NDRG3: variants seen among roughly 807,000 people sequenced by gnomAD.
NDRG3 encodes protein NDRG3.
A neutral mutation model predicts 57.2 loss-of-function variants in NDRG3; 23 were observed. The ratio of observed to expected loss-of-function variants is 0.40; its 90% CI spans 0.29 to 0.57. NDRG3 has a LOEUF of 0.57. Among genes scored for constraint, NDRG3 ranks in the 20% least tolerant of loss-of-function variants. The pLI is 0.42. For missense variants in NDRG3, 384 were observed against 457.3 expected, an observed-to-expected ratio of 0.84 and a Z score of 1.46; for synonymous variants, 132 against 162.6, an observed-to-expected ratio of 0.81 and a Z score of 1.43.
At chr20:36,686,708 T>C (rs376506157) in intron 5 of NDRG3, among the ~76,000 whole-genome samples, 13 of 152,300 alleles carry the variant, frequency 8.5e-5, no homozygotes, top group African/African-American at 3.1e-4. Flanking sequence ...CCCACACCTC[T>C]ATCTGCCAGG....
chr20:36,696,680 A>G (rs765423304), intron 3 of NDRG3, among the ~76,000 whole-genome samples: 1 of 150,604 alleles, frequency 6.6e-6, no homozygotes, highest in Non-Finnish European at 1.5e-5. Context: ...TTTAGTAGAG[A>G]TGGGGTTTCA....
At chr20:36,656,184 C>G (rs990589472) in intron 15 of NDRG3, among the ~76,000 whole-genome samples, 176 bp downstream of exon 15, 1 of 150,268 alleles carries the variant, frequency 6.7e-6, no homozygotes, top group African/African-American at 2.4e-5. Context: ...AAAGTAAGTG[C>G]TGAGTGTTAG....
intron 3 of NDRG3, 32 bp downstream of exon 3, chr20:36,706,938 TAC>T: frequency 1.2e-6 from 2 of 1,603,182 alleles, no homozygotes; most frequent in Non-Finnish European, 1.7e-6. Context: ...AGAGATCCTG[TAC>T]AGAGCCTCCT....
chr20:36,727,576 T>C (rs1341988567), intron 1 of NDRG3, among the ~76,000 whole-genome samples: 1 of 147,892 alleles, frequency 6.8e-6, no homozygotes, highest in Non-Finnish European at 1.5e-5. Context: ...GGAGTCTCGC[T>C]CTGTCGCCCA....
At chr20:36,673,866 A>G (rs1980403142) in intron 8 of NDRG3, among the ~76,000 whole-genome samples, 1 of 151,862 alleles carries the variant, frequency 6.6e-6, no homozygotes, top group South Asian at 2.1e-4. Flanking sequence ...GCACTTTGGG[A>G]GGCCAAGACG....
At chr20:36,656,614 A>G (rs897027979) in intron 13 of NDRG3, 82 bp from the exon 14 acceptor site, 2 of 1,461,046 alleles carry the variant, frequency 1.4e-6, no homozygotes, top group Non-Finnish European at 1.9e-6. Context: ...TTTCAAACAG[A>G]ACAAGATTGA....
intron 15 of NDRG3, chr20:36,654,909 C>T (rs1978523974): frequency 1.3e-6 from 1 of 777,548 alleles, no homozygotes; most frequent in Non-Finnish European, 2.4e-6. Flanking sequence ...ACCTCAGCTG[C>T]CTGGTAGACA....
At chr20:36,662,047 G>C (rs1210782687) in intron 12 of NDRG3, among the ~76,000 whole-genome samples, 3 of 152,040 alleles carry the variant, frequency 2.0e-5, no homozygotes, top group African/African-American at 7.2e-5. Flanking sequence ...ATCCCTAACT[G>C]CTAGGCACAG....
intron 1 of NDRG3, among the ~76,000 whole-genome samples, chr20:36,729,724 C>A (rs142679247): frequency 6.6e-6 from 1 of 152,040 alleles, no homozygotes; most frequent in African/African-American, 2.4e-5. Context: ...GTCAGGGTTG[C>A]ACTTTGTTGC....
rs116809911 is a variant in NDRG3, at chr20:36,732,810, G to A, written c.-48-11027C>T. On this transcript the variant is annotated intron_variant, in intron 1 of 15. Transcript: ENST00000349004. ...CAGCTTGTATCTCATTCTGCACTGT[G>A]TCCATTTAGTCAGATGAAGCTCACT... Among the ~76,000 whole-genome samples the A allele has an allele frequency of 5.0e-3, 767 of 152,082 alleles. 8 individuals are homozygous for A. The highest frequency in any genetic ancestry group is 0.018 in the African/African-American group (750 of 41,510).
chr20:36,740,735 C>T (rs1314077385), intron 1 of NDRG3, among the ~76,000 whole-genome samples: 1 of 152,108 alleles, frequency 6.6e-6, no homozygotes, highest in Non-Finnish European at 1.5e-5. Context: ...AGCCCTTTCA[C>T]TGAAGAGATA....
At chr20:36,743,950 G>C (rs1388828422) in intron 1 of NDRG3, among the ~76,000 whole-genome samples, 1 of 136,088 alleles carries the variant, frequency 7.3e-6, no homozygotes, top group East Asian at 2.1e-4. Context: ...GCCCAGGCTG[G>C]AGTGCAGTGG....
chr20:36,683,616 C>T (rs1297132283), intron 6 of NDRG3, among the ~76,000 whole-genome samples: 10 of 145,678 alleles, frequency 6.9e-5, no homozygotes, highest in Admixed American at 5.5e-4. Context: ...AACTCCATCT[C>T]AAAACAAATA....
chr20:36,727,591 G>A (rs1296407026), intron 1 of NDRG3, among the ~76,000 whole-genome samples: 1 of 148,296 alleles, frequency 6.7e-6, no homozygotes, highest in Non-Finnish European at 1.5e-5. Flanking sequence ...CGCCCAGGCT[G>A]GAGTGCAGTG....
At chr20:36,689,750 T>C (rs1982104974) in intron 3 of NDRG3, among the ~76,000 whole-genome samples, 1 of 141,880 alleles carries the variant, frequency 7.0e-6, no homozygotes, top group South Asian at 2.2e-4. Flanking sequence ...AGACAGAGTC[T>C]CGCTCCGTCA....
rs1442176485 is a variant in NDRG3 at position 36,688,707 on chromosome 20, T to G, written c.171A>C (p.Ile57=). ...RGLPKGNRPV[I]LTYHDIGLNH... is the part of the protein sequence containing the mutation. ...TGAGGCCAATGTCATGATATGTTAG[T>G]ATAACTGGTCTGTTTCCTTTGGGTA... The change falls in exon 4 of 16, where the codon ATA becomes ATC. Residue 57 remains isoleucine, a synonymous_variant. Transcript: ENST00000349004. 1 of 1,613,520 alleles carries G rather than the reference T, an allele frequency of 6.2e-7. No homozygotes were observed. The highest frequency in any genetic ancestry group is 8.5e-7 in the Non-Finnish European group (1 of 1,179,506).
chr20:36,738,830 A>G (rs1985751053), intron 1 of NDRG3, among the ~76,000 whole-genome samples: 1 of 146,688 alleles, frequency 6.8e-6, no homozygotes, highest in African/African-American at 2.5e-5. Flanking sequence ...CTCAAAAAAA[A>G]AAAAAAAAAG....
chr20:36,660,865 G>A lies in NDRG3; in HGVS notation c.811-481C>T, dbSNP rs1252350548. On this transcript the variant is annotated intron_variant, in intron 12 of 15. Coordinates refer to ENST00000349004, the MANE Select transcript of NDRG3 (RefSeq NM_032013.4). The stretch of plus-strand genomic sequence containing the variant: ...GTGAGCCACCGCGCCCGGCCCGGGA[G>A]ATATATTTATATGATATACTTTGAT... Among the ~76,000 whole-genome samples the A allele has an allele frequency of 5.3e-5, 8 of 152,162 alleles. No individual in the cohort carries two copies. In the South Asian group the frequency reaches 1.7e-3, roughly 32 times the overall value.
chr20:36,714,998 G>GTA, intron 2 of NDRG3, among the ~76,000 whole-genome samples: 1 of 56,880 alleles, frequency 1.8e-5, no homozygotes. Context: ...GTGTGTGTGT[G>GTA]TGTGTGTGTA....
Sources: gnomAD v4.1 joint callset for allele counts (sites outside exome capture counted in the v4.1 genomes callset) on GRCh38, gnomAD v4.1.1 for gene constraint, MANE v1.5 for transcripts, NCBI Gene and HGNC (gene_info 2026-07-23, HGNC 2026-07-21) for gene names.